Variants in CATSPERE observed in about 807,000 individuals in gnomAD.
CATSPERE encodes catsper channel auxiliary subunit epsilon.
In CATSPERE, 93 loss-of-function variants were observed where a neutral mutation model predicts 114.1. The ratio of observed to expected loss-of-function variants is 0.81; its 90% confidence interval spans 0.69 to 0.97. The LOEUF (loss-of-function observed/expected upper bound fraction) is 0.97, where lower values mean the gene tolerates loss of function less well. Ranked by LOEUF, CATSPERE falls within the 50% of genes least tolerant of loss-of-function variation. The pLI, the probability that CATSPERE is intolerant of heterozygous loss-of-function variation, is 0.00. For missense variants in CATSPERE, 1,058 were observed against 1,131.6 expected, an observed-to-expected ratio of 0.93 and a Z score of 0.93; for synonymous variants, 341 against 384.1, an observed-to-expected ratio of 0.89 and a Z score of 1.31.
chr1:244,623,426 GA>G (rs1363534104), intron 20 of CATSPERE, among the ~76,000 whole-genome samples: 1 of 152,150 alleles, frequency 6.6e-6, no homozygotes, highest in Non-Finnish European at 1.5e-5. Flanking sequence ...ATCTTGTGGG[GA>G]TAACATGAAA....
intron 2 of CATSPERE, among the ~76,000 whole-genome samples, chr1:244,472,062 G>GATCC (rs2148120081): frequency 6.6e-6 from 1 of 152,258 alleles, no homozygotes; most frequent in East Asian, 1.9e-4. Flanking sequence ...GGACTCAAGT[G>GATCC]ATCCTTCCGC....
At position 244,552,719 on chromosome 1, in the gene CATSPERE, G is replaced by A. The variant is rs1660857299; in HGVS notation, c.934G>A (p.Gly312Arg). The change falls in exon 9 of 22, where the codon GGA becomes AGA. Residue 312 changes from glycine to arginine, a missense_variant. By Grantham distance (125) the Gly-to-Arg change is moderately radical. Coordinates refer to ENST00000366534, the MANE Select transcript of CATSPERE (RefSeq NM_001130957.2). ...NGVLYIKSFRGFIRLGGIVNL... is the reference protein window; with the variant it reads ...NGVLYIKSFRRFIRLGGIVNL... ...TGTTCTTTACATAAAGAGTTTTCGT[G>A]GATTTATAAGACTGGGAGGAATTGT... 6.2e-7 allele frequency: 1 copy of A among 1,613,686 alleles called. No individual in the cohort carries two copies. Among genetic ancestry groups the A allele is most frequent in the South Asian group, 1.1e-5 (1 of 91,056 alleles).
intron 6 of CATSPERE, among the ~76,000 whole-genome samples, chr1:244,498,462 A>AT: frequency 6.6e-6 from 1 of 152,350 alleles, no homozygotes; most frequent in East Asian, 1.9e-4. Context: ...GTATATGAAT[A>AT]TTCAAGAAAA....
At chr1:244,565,886 C>G (rs2148550866) in intron 10 of CATSPERE, among the ~76,000 whole-genome samples, 1 of 152,142 alleles carries the variant, frequency 6.6e-6, no homozygotes, top group East Asian at 1.9e-4. Context: ...AGCTTTTGAA[C>G]TTGTTTGCTC....
chr1:244,509,347 G>T (rs982340564), intron 7 of CATSPERE, among the ~76,000 whole-genome samples: 5 of 151,670 alleles, frequency 3.3e-5, no homozygotes, highest in Non-Finnish European at 5.9e-5. Flanking sequence ...TATGGTTTTT[G>T]TTCTTCATTC....
At chr1:244,493,096 T>A (rs1672497818) in intron 6 of CATSPERE, among the ~76,000 whole-genome samples, 1 of 151,602 alleles carries the variant, frequency 6.6e-6, no homozygotes, top group South Asian at 2.1e-4. Flanking sequence ...AAAAAACTAC[T>A]TTAAAGTTCA....
chr1:244,572,435 C>A lies in CATSPERE; in HGVS notation c.1613C>A (p.Thr538Lys). 1.2e-6 allele frequency: 2 copies of A among 1,610,652 alleles called. No homozygotes were observed. Among genetic ancestry groups the A allele is most frequent in the Non-Finnish European group, 1.7e-6 (2 of 1,176,808 alleles). The change falls in exon 11 of 22, where the codon ACA becomes AAA. Residue 538 changes from threonine (T) to lysine (K), a missense_variant. Thr to Lys is a moderately conservative substitution (Grantham distance 78). Transcript: ENST00000366534. ...CTGCATTTATGGACAAATTACACAA[C>A]AAGAGCATTCATTTTCTTAAGTACA... ...VKLHLWTNYT[T>K]RAFIFLSTSG...
At chr1:244,466,422 C>T (rs1270446112) in intron 2 of CATSPERE, among the ~76,000 whole-genome samples, 2 of 152,060 alleles carry the variant, frequency 1.3e-5, no homozygotes, top group Non-Finnish European at 2.9e-5. Context: ...GATTGTGTGA[C>T]CTGAGATACT....
At chr1:244,548,409 A>G (rs1027235828) in intron 8 of CATSPERE, among the ~76,000 whole-genome samples, 1 of 152,188 alleles carries the variant, frequency 6.6e-6, no homozygotes, top group Non-Finnish European at 1.5e-5. Context: ...ATATGACATC[A>G]TTCTGTGTGG....
In CATSPERE at chr1:244,564,767, A is replaced by G. The variant is rs1390203991; in HGVS notation, c.1507+3622A>G. ...TTTCTCTTGCCTGATTGCCCTAGCC[A>G]GAACTTCCAATACTATGTTGAATAG... On this transcript the variant is annotated intron_variant, in intron 10 of 21. Coordinates refer to ENST00000366534, the MANE Select transcript of CATSPERE (RefSeq NM_001130957.2). Among the ~76,000 whole-genome samples the G allele has an allele frequency of 2.0e-5, 3 of 152,316 alleles. No homozygotes were observed. The East Asian group carries it at 5.8e-4, about 29-fold the overall frequency.
chr1:244,543,400 G>C (rs1022595938), intron 8 of CATSPERE, among the ~76,000 whole-genome samples: 1 of 151,894 alleles, frequency 6.6e-6, no homozygotes, highest in Non-Finnish European at 1.5e-5. Context: ...GACAGATACT[G>C]TATGATCTCA....
chr1:244,451,643 G>C, upstream of CATSPERE: 1 of 1,609,290 alleles, frequency 6.2e-7, no homozygotes, highest in Non-Finnish European at 8.5e-7. This position sits in a 1 kb window ranked among gnomAD's most constrained non-coding sequence, Gnocchi z 6.6. Flanking sequence ...ACCTGGCAGC[G>C]GCACACGATG....
At chr1:244,491,891 C>G (rs1013755492) in intron 6 of CATSPERE, among the ~76,000 whole-genome samples, 15 of 152,086 alleles carry the variant, frequency 9.9e-5, no homozygotes, top group Non-Finnish European at 1.8e-4. Flanking sequence ...AAGACTAAAC[C>G]AGGAAGAAGT....
chr1:244,639,901 GC>G, intron 21 of CATSPERE, 26 bp from the exon 22 acceptor site: 1 of 1,310,634 alleles, frequency 7.6e-7, no homozygotes, highest in Non-Finnish European at 9.9e-7. Flanking sequence ...GACTTCTAAT[GC>G]CTTTTTTTTT....
At position 244,605,776 on chromosome 1, in the gene CATSPERE, T is replaced by C. The variant is rs775960350; in HGVS notation, c.2385T>C (p.Phe795=). Residue 795 remains phenylalanine (F), a synonymous_variant, in exon 18 of 22, where the codon TTT becomes TTC. Coordinates refer to ENST00000366534, the MANE Select transcript of CATSPERE (RefSeq NM_001130957.2). The stretch of plus-strand genomic sequence containing the variant: ...TACACGGCAGGGATGACTATAGCTT[T>C]AATAATACTATGGCACAGGTATGGC... ...WEIHGRDDYS[F]NNTMAQSGCL... is the part of the protein sequence containing the mutation. 1.6e-5 allele frequency: 26 copies of C among 1,612,094 alleles called. No homozygotes were observed. The highest frequency in any genetic ancestry group is 2.7e-5 in the African/African-American group (2 of 74,904).
chr1:244,493,536 A>C (rs1204305666), intron 6 of CATSPERE, among the ~76,000 whole-genome samples: 2 of 152,182 alleles, frequency 1.3e-5, no homozygotes, highest in Non-Finnish European at 2.9e-5. Context: ...GGACATAGGC[A>C]TGGGCAAGGA....
chr1:244,473,742 G>A (rs1249146402), intron 2 of CATSPERE, among the ~76,000 whole-genome samples: 1 of 151,816 alleles, frequency 6.6e-6, no homozygotes, highest in Non-Finnish European at 1.5e-5. Context: ...TTTTCTTCTG[G>A]TATTTCTTTC....
upstream of CATSPERE, among the ~76,000 whole-genome samples, chr1:244,453,524 T>G (rs892513943): frequency 6.6e-6 from 1 of 152,234 alleles, no homozygotes; most frequent in African/African-American, 2.4e-5. Context: ...TGTCTGGCAT[T>G]GCCTTTGTGG....
At chr1:244,602,157 A>G (rs1004720603) in intron 17 of CATSPERE, among the ~76,000 whole-genome samples, 3 of 152,162 alleles carry the variant, frequency 2.0e-5, no homozygotes, top group African/African-American at 7.2e-5. Flanking sequence ...TGTTTCTAGA[A>G]ATAACTTATT....
Sources: allele counts gnomAD v4.1 joint callset (sites outside exome capture counted in the v4.1 genomes callset), GRCh38; gene constraint gnomAD v4.1.1; non-coding constraint Gnocchi (gnomAD v3.1); transcripts MANE v1.5; gene names NCBI Gene and HGNC (gene_info 2026-07-23, HGNC 2026-07-21).